Variants in NAALADL2 observed in about 807,000 individuals in gnomAD.
NAALADL2 encodes the protein inactive N-acetylated-alpha-linked acidic dipeptidase-like protein 2.
A neutral mutation model predicts 87.2 loss-of-function variants in NAALADL2; 76 were observed. That is an observed-to-expected ratio of 0.87 (90% CI 0.72 to 1.05). The LOEUF is 1.05. Ranked by LOEUF, NAALADL2 falls within the 50% of genes least tolerant of loss-of-function variation. The probability of loss-of-function intolerance (pLI) is 0.00; values close to 1 mark genes in which losing one functional copy is unlikely to be tolerated. For missense variants in NAALADL2, 1,089 were observed against 945.8 expected, an observed-to-expected ratio of 1.15 and a Z score of -1.99; for synonymous variants, 354 against 331.0, an observed-to-expected ratio of 1.07 and a Z score of -0.75.
chr3:175,046,854 G>A (rs750858772), intron 1 of NAALADL2, among the ~76,000 whole-genome samples: 1 of 152,062 alleles, frequency 6.6e-6, no homozygotes, highest in Non-Finnish European at 1.5e-5. Context: ...CCTAGAAGTC[G>A]GCCTTGGTCT....
intron 11 of NAALADL2, among the ~76,000 whole-genome samples, chr3:175,705,136 G>C (rs570757607): frequency 6.6e-6 from 1 of 152,064 alleles, no homozygotes; most frequent in Non-Finnish European, 1.5e-5. Flanking sequence ...AGGAGAGATG[G>C]CTGGAAAGAA....
At chr3:175,750,568 G>A (rs1460754704) in intron 12 of NAALADL2, among the ~76,000 whole-genome samples, 1 of 152,118 alleles carries the variant, frequency 6.6e-6, no homozygotes, top group Non-Finnish European at 1.5e-5. Context: ...TAAGGGATGA[G>A]GCTGGAAAGA....
chr3:174,981,213 A>C (rs1168752872), intron 1 of NAALADL2, among the ~76,000 whole-genome samples: 2 of 152,200 alleles, frequency 1.3e-5, no homozygotes, highest in East Asian at 3.8e-4. Flanking sequence ...TGCTGCATTT[A>C]AGTATACTCA....
At chr3:175,223,956 G>A (rs1743786961) in intron 2 of NAALADL2, among the ~76,000 whole-genome samples, 1 of 152,124 alleles carries the variant, frequency 6.6e-6, no homozygotes, top group Admixed American at 6.6e-5. Context: ...TCTATAAAAT[G>A]TTACTGTTCA....
intron 1 of NAALADL2, among the ~76,000 whole-genome samples, chr3:174,992,963 G>T (rs1372713788): frequency 2.6e-5 from 4 of 151,944 alleles, no homozygotes; most frequent in Non-Finnish European, 4.4e-5. Context: ...GGAGCTCTGG[G>T]GCTTGATACC....
intron 11 of NAALADL2, among the ~76,000 whole-genome samples, chr3:175,683,921 G>A (rs554162166): frequency 6.6e-6 from 1 of 151,972 alleles, no homozygotes; most frequent in Admixed American, 6.6e-5. Context: ...GAAGAAAAAA[G>A]AGTGTAAGAT....
At chr3:175,728,527 C>T (rs1743238031) in intron 11 of NAALADL2, among the ~76,000 whole-genome samples, 1 of 152,124 alleles carries the variant, frequency 6.6e-6, no homozygotes, top group African/African-American at 2.4e-5. Context: ...AGGAAACTCC[C>T]TCCACTCTTC....
chr3:175,383,654 C>T (rs1033569318), intron 5 of NAALADL2, among the ~76,000 whole-genome samples: 1 of 151,776 alleles, frequency 6.6e-6, no homozygotes, highest in Admixed American at 6.6e-5. Flanking sequence ...TTCAAGGGCC[C>T]AGCTGGTAAA....
intron 4 of NAALADL2, among the ~76,000 whole-genome samples, chr3:175,262,008 G>A (rs763622683): frequency 2.0e-5 from 3 of 152,012 alleles, no homozygotes; most frequent in South Asian, 2.1e-4. Flanking sequence ...TGCAAATTAC[G>A]GAGGAGTAGC....
At chr3:174,846,428 C>G (rs1450993680) in intron 3 of NAALADL2, among the ~76,000 whole-genome samples, 2 of 152,186 alleles carry the variant, frequency 1.3e-5, no homozygotes, top group Admixed American at 6.5e-5. Flanking sequence ...TGACATCACT[C>G]TAGCTCTCTG....
intron 2 of NAALADL2, among the ~76,000 whole-genome samples, chr3:174,593,126 A>G (rs757479340): frequency 2.0e-5 from 3 of 152,164 alleles, no homozygotes; most frequent in Non-Finnish European, 2.9e-5. Context: ...TATATTCTTT[A>G]CATCTTGGAT....
intron 3 of NAALADL2, among the ~76,000 whole-genome samples, chr3:175,240,829 A>G (rs1199274402): frequency 6.6e-6 from 1 of 151,800 alleles, no homozygotes; most frequent in East Asian, 1.9e-4. Flanking sequence ...CTAATTTTGT[A>G]TTTTTAGTGG....
chr3:175,618,262 G>A (rs893269612), intron 10 of NAALADL2, among the ~76,000 whole-genome samples: 1 of 152,136 alleles, frequency 6.6e-6, no homozygotes, highest in African/African-American at 2.4e-5. Flanking sequence ...ACTTTAATGG[G>A]GACATATTCA....
At chr3:175,271,433 T>C (rs548087341) in intron 4 of NAALADL2, among the ~76,000 whole-genome samples, 2 of 152,190 alleles carry the variant, frequency 1.3e-5, no homozygotes, top group Admixed American at 6.5e-5. Flanking sequence ...TTCATGCACA[T>C]GAAAGAGTAT....
intron 1 of NAALADL2, among the ~76,000 whole-genome samples, chr3:175,051,120 C>T (rs939292047): frequency 6.6e-6 from 1 of 152,070 alleles, no homozygotes; most frequent in African/African-American, 2.4e-5. Context: ...TTTACTGGGT[C>T]CTGTAGATTG....
At chr3:174,899,243 G>T (rs1258367990) in intron 1 of NAALADL2, among the ~76,000 whole-genome samples, 4 of 152,046 alleles carry the variant, frequency 2.6e-5, no homozygotes, top group Non-Finnish European at 5.9e-5. Flanking sequence ...TATTAGAGAA[G>T]AAAGACATGA....
intron 2 of NAALADL2, among the ~76,000 whole-genome samples, chr3:175,197,753 T>G (rs1443333410): frequency 6.6e-6 from 1 of 151,994 alleles, no homozygotes; most frequent in Non-Finnish European, 1.5e-5. Context: ...GACAAAAATA[T>G]GAATTCAGGG....
chr3:174,832,879 A>G (rs183616947), intron 3 of NAALADL2, among the ~76,000 whole-genome samples: 4 of 152,330 alleles, frequency 2.6e-5, no homozygotes, highest in African/African-American at 7.2e-5. Flanking sequence ...CCCTGCTTCT[A>G]AAGTCCAACA....
chr3:174,586,587 C>G (rs1716750516), intron 2 of NAALADL2, among the ~76,000 whole-genome samples: 1 of 152,182 alleles, frequency 6.6e-6, no homozygotes, highest in Non-Finnish European at 1.5e-5. Context: ...TTATGTAGCA[C>G]TTTCACTTAA....
Sources: gnomAD v4.1 joint callset for allele counts (sites outside exome capture counted in the v4.1 genomes callset) on GRCh38, gnomAD v4.1.1 for gene constraint, MANE v1.5 for transcripts, NCBI Gene and HGNC (gene_info 2026-07-23, HGNC 2026-07-21) for gene names.